Variants in BTF3L4 observed in about 807,000 individuals in gnomAD.
The protein encoded by BTF3L4 is transcription factor BTF3 homolog 4.
A neutral mutation model predicts 16.8 loss-of-function variants in BTF3L4; 6 were observed. The ratio of observed to expected loss-of-function variants is 0.36; its 90% CI spans 0.20 to 0.71. BTF3L4 has a LOEUF of 0.71. Among genes scored for constraint, BTF3L4 ranks in the 30% least tolerant of loss-of-function variants. The probability of loss-of-function intolerance (pLI) is 0.58; values close to 1 mark genes in which losing one functional copy is unlikely to be tolerated. For synonymous variants in BTF3L4, 39 were observed against 59.8 expected, an observed-to-expected ratio of 0.65 and a Z score of 1.60; for missense variants, 92 against 186.9, an observed-to-expected ratio of 0.49 and a Z score of 2.96.
At chr1:52,061,393 CAGG>C (rs900769693) in intron 2 of BTF3L4, among the ~76,000 whole-genome samples, 1 of 147,768 alleles carries the variant, frequency 6.8e-6, no homozygotes, top group African/African-American at 2.5e-5. Context: ...GAGGCTGAGG[CAGG>C]AGAATCACTT....
rs59491944 is a variant in BTF3L4 at position 52,071,931 on chromosome 1, CTGTGTGTGTGTGTGTGTG to C, written c.168+7019_168+7036del. Reference sequence around the variant, plus strand: ...TTGGCTTTTTGTTTTGTTTTTTACTCTGTGTGTGTGTGTGTGTGTGTGTGTGTGTGTGTGTGTGTGTGT... The same window carrying C: ...TTGGCTTTTTGTTTTGTTTTTTACTCTGTGTGTGTGTGTGTGTGTGTGTGT... On this transcript the variant is annotated intron_variant, in intron 3 of 5. Coordinates refer to ENST00000313334, the MANE Select transcript of BTF3L4 (RefSeq NM_152265.5). Among the ~76,000 whole-genome samples, 163 of 127,970 alleles carry C rather than the reference CTGTGTGTGTGTGTGTGTG, an allele frequency of 1.3e-3. No homozygotes were observed. The East Asian group carries it at 0.019, about 15-fold the overall frequency. 84.0% of individuals were successfully genotyped at this position (127,970 alleles called of 152,430 possible).
chr1:52,085,161 C>G (rs1383031773), intron 4 of BTF3L4, among the ~76,000 whole-genome samples: 1 of 150,780 alleles, frequency 6.6e-6, no homozygotes, highest in Non-Finnish European at 1.5e-5. Flanking sequence ...GCTGGGATTA[C>G]AGGCGCCCGC....
chr1:52,079,793 G>A (rs1243405948), intron 3 of BTF3L4, among the ~76,000 whole-genome samples: 1 of 151,428 alleles, frequency 6.6e-6, no homozygotes, highest in African/African-American at 2.4e-5. Flanking sequence ...TTGTGTTCTC[G>A]ATTTGGCCTA....
At chr1:52,058,880 G>A (rs989759426) in intron 1 of BTF3L4, among the ~76,000 whole-genome samples, 5 of 152,198 alleles carry the variant, frequency 3.3e-5, no homozygotes, top group African/African-American at 7.2e-5. Flanking sequence ...GATTACAGGC[G>A]TGAGCCACCG....
intron 3 of BTF3L4, 56 bp downstream of exon 3, chr1:52,064,994 T>C: frequency 9.9e-7 from 1 of 1,011,306 alleles, no homozygotes; most frequent in Non-Finnish European, 1.5e-6. Context: ...AATAATTGTC[T>C]GGACCTTTCA....
chr1:52,080,610 T>G (rs1393157000), intron 3 of BTF3L4, among the ~76,000 whole-genome samples: 1 of 123,952 alleles, frequency 8.1e-6, no homozygotes, highest in Non-Finnish European at 1.6e-5. Context: ...TTCGGCTTAC[T>G]GCAACCTATG....
At position 52,076,435 on chromosome 1, in the gene BTF3L4, G is replaced by A. The variant is rs527605813; in HGVS notation, c.169-6905G>A. Among the ~76,000 whole-genome samples the A allele has an allele frequency of 9.9e-5, 15 of 151,996 alleles. No individual in the cohort carries two copies. The South Asian group carries it at 1.9e-3, about 19-fold the overall frequency. ...CTAAAAATACAAAAATTAGCTAGGC[G>A]TGGTGGTGGCGCGTGACTCTAATCC... On this transcript the variant is annotated intron_variant, in intron 3 of 5. Coordinates refer to ENST00000313334, the MANE Select transcript of BTF3L4 (RefSeq NM_152265.5).
At position 52,087,383 on chromosome 1, in the gene BTF3L4, T is replaced by G. The variant is rs1643982167; in HGVS notation, c.*625T>G. The G allele has an allele frequency of 6.6e-6, 1 of 152,240 alleles. No homozygotes were observed. Among genetic ancestry groups the G allele is most frequent in the Admixed American group, 6.6e-5 (1 of 15,266 alleles). 9.4% of individuals were successfully genotyped at this position (152,240 alleles called of 1,614,324 possible). A position where few individuals can be genotyped will look rare whatever the true frequency, so the allele number is the denominator to read the frequency against. On this transcript the variant is annotated 3_prime_UTR_variant, in exon 6 of 6. Coordinates refer to ENST00000313334, the MANE Select transcript of BTF3L4 (RefSeq NM_152265.5). ...TATCTTTGGTATGGTTGCCTTAGAT[T>G]AACTTACCTAGTCAGACCCAGAAGA...
chr1:52,082,891 T>G (rs1444137707), intron 3 of BTF3L4, among the ~76,000 whole-genome samples: 1 of 152,180 alleles, frequency 6.6e-6, no homozygotes, highest in Non-Finnish European at 1.5e-5. Flanking sequence ...TTTTAGTGGT[T>G]GTTTTTACCA....
intron 4 of BTF3L4, among the ~76,000 whole-genome samples, chr1:52,084,858 T>C (rs1353475982): frequency 6.6e-6 from 1 of 151,840 alleles, no homozygotes; most frequent in Non-Finnish European, 1.5e-5. Flanking sequence ...TAAATATTGA[T>C]TGCCCTATAA....
intron 3 of BTF3L4, among the ~76,000 whole-genome samples, chr1:52,074,918 G>T (rs562288080): frequency 6.6e-6 from 1 of 151,262 alleles, no homozygotes; most frequent in African/African-American, 2.4e-5. Context: ...ACCATGCCTG[G>T]CTACTTTTTA....
chr1:52,068,955 T>C (rs1005344931), intron 3 of BTF3L4, among the ~76,000 whole-genome samples: 2 of 152,216 alleles, frequency 1.3e-5, no homozygotes, highest in African/African-American at 4.8e-5. Context: ...TGCTTTTTAT[T>C]ATAGCACTTA....
rs756011810 is a variant in BTF3L4 at position 52,064,880 on chromosome 1, A to G, written c.110A>G (p.Lys37Arg). ...VVHRTATADDKKLQSSLKKLA... is the reference protein window; with the variant it reads ...VVHRTATADDRKLQSSLKKLA... The stretch of plus-strand genomic sequence containing the variant: ...CATAGAACAGCCACAGCTGATGACA[A>G]AAAGCTTCAGAGTTCTCTAAAAAAA... Residue 37 changes from lysine to arginine, a missense_variant, in exon 3 of 6, where the codon AAA becomes AGA. Physicochemically the swap from Lys to Arg is conservative, Grantham distance 26. Coordinates refer to ENST00000313334, the MANE Select transcript of BTF3L4 (RefSeq NM_152265.5). The G allele has an allele frequency of 1.2e-5, 20 of 1,613,406 alleles. No homozygotes were observed. The highest frequency in any genetic ancestry group is 8.5e-6 in the Non-Finnish European group (10 of 1,179,828).
intron 3 of BTF3L4, among the ~76,000 whole-genome samples, chr1:52,081,211 T>TA (rs34270559): frequency 0.74 from 111,988 of 151,634 alleles, 45,685 homozygotes; most frequent in Non-Finnish European, 0.89. Context: ...GATCTCACCT[T>TA]ACTGCAACCT....
At chr1:52,076,447 C>T (rs570634440) in intron 3 of BTF3L4, among the ~76,000 whole-genome samples, 11 of 151,444 alleles carry the variant, frequency 7.3e-5, no homozygotes, top group African/African-American at 2.2e-4. Context: ...GGTGGTGGCG[C>T]GTGACTCTAA....
chr1:52,071,750 G>A (rs1197598245), intron 3 of BTF3L4, among the ~76,000 whole-genome samples: 1 of 152,132 alleles, frequency 6.6e-6, no homozygotes, highest in African/African-American at 2.4e-5. Context: ...TAAAGTTAAT[G>A]GCGGGCTCTT....
At chr1:52,065,422 T>C (rs2992181) in intron 3 of BTF3L4, 140,490 of 152,360 alleles carry the variant, frequency 0.92, 65,638 homozygotes, top group Non-Finnish European at 1. Context: ...CGTGCCACCA[T>C]GCCCGGCTGA....
Position 52,089,375 on chromosome 1 carries a change from C to T in BTF3L4, c.*2617C>T, listed in dbSNP as rs1370839423. 6.6e-6 allele frequency: 1 copy of T among 152,108 alleles called. No homozygotes were observed. The highest frequency in any genetic ancestry group is 2.4e-5 in the African/African-American group (1 of 41,416). 9.4% of individuals were successfully genotyped at this position (152,108 alleles called of 1,614,324 possible). On this transcript the variant is annotated 3_prime_UTR_variant, in exon 6 of 6. Coordinates refer to ENST00000313334, the MANE Select transcript of BTF3L4 (RefSeq NM_152265.5). ...TTTTTGTATCTTCCCCTTTCCTGAA[C>T]AAAGCATATTTAGAGTCTCAAAGAA... is the stretch of plus-strand genomic sequence containing the variant.
At chr1:52,086,258 T>G in intron 5 of BTF3L4, 87 bp downstream of exon 5, 1 of 1,009,544 alleles carries the variant, frequency 9.9e-7, no homozygotes, top group South Asian at 1.6e-5. Context: ...AGGTTTGTGT[T>G]GATTGTAAGC....
Sources: allele counts gnomAD v4.1 joint callset (sites outside exome capture counted in the v4.1 genomes callset), GRCh38; gene constraint gnomAD v4.1.1; transcripts MANE v1.5; gene names NCBI Gene and HGNC (gene_info 2026-07-23, HGNC 2026-07-21).